The following FBXO34 variants were observed in gnomAD, a reference collection of about 807,000 sequenced individuals.
FBXO34 encodes F-box only protein 34.
FBXO34 carries 12 observed loss-of-function variants against 24.5 expected under a neutral mutation model. That is an observed-to-expected ratio of 0.49 (90% CI 0.31 to 0.79). The LOEUF (loss-of-function observed/expected upper bound fraction) is 0.79, where lower values mean the gene tolerates loss of function less well. Ranked by LOEUF, FBXO34 falls within the 30% of genes least tolerant of loss-of-function variation. The probability of loss-of-function intolerance (pLI) is 0.04; values close to 1 mark genes in which losing one functional copy is unlikely to be tolerated. For synonymous variants in FBXO34, 320 were observed against 311.9 expected (o/e 1.03, Z -0.27); for missense variants, 823 against 857.7 (o/e 0.96, Z 0.51).
chr14:55,271,652 G>C (rs1469351113), intron 1 of FBXO34, 115 bp downstream of exon 1: 3 of 148,622 alleles, frequency 2.0e-5, no homozygotes, highest in Non-Finnish European at 4.5e-5. Flanking sequence ...CCCGGGGCGC[G>C]GGGCGGGTGG....
chr14:55,286,800 G>A (rs377377664), intron 1 of FBXO34, among the ~76,000 whole-genome samples: 2 of 151,356 alleles, frequency 1.3e-5, no homozygotes, highest in Admixed American at 1.3e-4. Flanking sequence ...AAGTGGTTTG[G>A]ATTTTGGATT....
chr14:55,425,601 G>T, the FBXO34 span, among the ~76,000 whole-genome samples: 1 of 152,280 alleles, frequency 6.6e-6, no homozygotes, highest in East Asian at 1.9e-4. Context: ...GTTAGGGATG[G>T]AGAACATTTC....
chr14:55,440,108 A>T, the FBXO34 span, among the ~76,000 whole-genome samples: 1 of 151,818 alleles, frequency 6.6e-6, no homozygotes, highest in African/African-American at 2.4e-5. Flanking sequence ...AAATCAATCA[A>T]TCAATCAATC....
the FBXO34 span, among the ~76,000 whole-genome samples, chr14:55,383,443 C>T: frequency 3.3e-5 from 5 of 151,900 alleles, no homozygotes; most frequent in Admixed American, 1.3e-4. Flanking sequence ...CCCAGCTACT[C>T]GGAAGGCTAA....
Position 55,352,500 on chromosome 14 carries a change from G to A in FBXO34, c.2110G>A (p.Gly704Arg). The stretch of plus-strand genomic sequence containing the variant: ...TCGGGCAATCCATAAGAAAGCAAAA[G>A]GGACTGAAGCTGAAGAGGAATACTA... ...FNRAIHKKAK[G>R]TEAEEEY The change falls in exon 2 of 2, where the codon GGG becomes AGG. Residue 704 changes from glycine (G) to arginine (R), a missense_variant. Around this residue, in one of 2 missense-constraint regions of FBXO34, gnomAD observed 130 missense variants for 198.6 expected, o/e 0.65. Coordinates refer to ENST00000313833, the MANE Select transcript of FBXO34 (RefSeq NM_017943.4). The A allele has an allele frequency of 6.2e-7, 1 of 1,610,558 alleles. No individual in the cohort carries two copies. Among genetic ancestry groups the A allele is most frequent in the South Asian group, 1.1e-5 (1 of 90,480 alleles).
chr14:55,364,629 A>G (rs1884639438), downstream of FBXO34, among the ~76,000 whole-genome samples: 2 of 150,722 alleles, frequency 1.3e-5, no homozygotes, highest in African/African-American at 2.4e-5. Context: ...GGGTTTTGCC[A>G]TGTTGGCCAG....
chr14:55,424,735 T>C, the FBXO34 span, among the ~76,000 whole-genome samples: 1 of 152,226 alleles, frequency 6.6e-6, no homozygotes, highest in African/African-American at 2.4e-5. Flanking sequence ...GAACAGGTGC[T>C]ATATAAATAA....
At position 55,350,426 on chromosome 14, in the gene FBXO34, A is replaced by C. The variant is rs1884309073; in HGVS notation, c.36A>C (p.Lys12Asn). ...HLKPYWKLQK[K>N]EHPPEVSRET... The stretch of plus-strand genomic sequence containing the variant: ...AGCCATATTGGAAGCTCCAGAAGAA[A>C]GAGCACCCCCCGGAAGTCAGCAGGG... Residue 12 changes from lysine to asparagine, a missense_variant, in exon 2 of 2, where the codon AAA (lysine) becomes AAC (asparagine). Around this residue, in one of 2 missense-constraint regions of FBXO34, gnomAD observed 693 missense variants for 659.1 expected, o/e 1.05. Coordinates refer to ENST00000313833, the MANE Select transcript of FBXO34 (RefSeq NM_017943.4). 1 of 1,598,112 alleles carries C rather than the reference A, an allele frequency of 6.3e-7. No homozygotes were observed. Among genetic ancestry groups the C allele is most frequent in the South Asian group, 1.1e-5 (1 of 89,024 alleles).
At chr14:55,288,777 A>G (rs1341264716) in intron 1 of FBXO34, among the ~76,000 whole-genome samples, 1 of 152,214 alleles carries the variant, frequency 6.6e-6, no homozygotes, top group African/African-American at 2.4e-5. Flanking sequence ...AGGGCCGGGC[A>G]TGGTGGCTCA....
At chr14:55,318,335 TA>T (rs1477233061) in intron 1 of FBXO34, 1 of 4,786 alleles carries the variant, frequency 2.1e-4, no homozygotes, top group Admixed American at 2.6e-3. Context: ...TTGCAAGTCA[TA>T]TATATATATA....
the FBXO34 span, chr14:55,414,524 T>C: frequency 8.9e-7 from 1 of 1,117,902 alleles, no homozygotes; most frequent in South Asian, 1.5e-5. Flanking sequence ...ACACTAAAAT[T>C]TCATTGTATT....
chr14:55,404,917 A>C, the FBXO34 span, among the ~76,000 whole-genome samples: 2 of 152,170 alleles, frequency 1.3e-5, no homozygotes. Flanking sequence ...TTAATAACTC[A>C]TGGGGTGAGG....
intron 1 of FBXO34, among the ~76,000 whole-genome samples, chr14:55,311,106 G>T (rs1391459005): frequency 6.6e-6 from 1 of 152,208 alleles, no homozygotes; most frequent in Non-Finnish European, 1.5e-5. Context: ...AAGGAAAGAG[G>T]TTTAATTGAC....
chr14:55,344,984 G>A (rs944113722), intron 1 of FBXO34, among the ~76,000 whole-genome samples: 1 of 152,144 alleles, frequency 6.6e-6, no homozygotes, highest in South Asian at 2.1e-4. Context: ...AGCCCAGAGC[G>A]GCTAGGACAT....
intron 1 of FBXO34, among the ~76,000 whole-genome samples, chr14:55,323,223 A>ATT (rs1566555885): frequency 3.8e-4 from 7 of 18,500 alleles, no homozygotes; most frequent in South Asian, 2.6e-3. Context: ...AAAAAAATAT[A>ATT]TATTTTTTTT....
chr14:55,384,252 CGTGT>C, the FBXO34 span, among the ~76,000 whole-genome samples: 3 of 152,196 alleles, frequency 2.0e-5, no homozygotes, highest in Non-Finnish European at 2.9e-5. Flanking sequence ...ATTTTCTCCT[CGTGT>C]GTGTATTTTC....
chr14:55,287,406 C>G (rs1019869661), intron 1 of FBXO34, among the ~76,000 whole-genome samples: 1 of 152,018 alleles, frequency 6.6e-6, no homozygotes, highest in Non-Finnish European at 1.5e-5. Flanking sequence ...CAGTCATTTT[C>G]TTATACTTAT....
At chr14:55,306,172 C>T (rs1882538143) in intron 1 of FBXO34, among the ~76,000 whole-genome samples, 1 of 152,160 alleles carries the variant, frequency 6.6e-6, no homozygotes, top group African/African-American at 2.4e-5. Context: ...CACTAAACTT[C>T]CAAAAAGTTG....
At chr14:55,380,867 ATATATATATTT>A in the FBXO34 span, among the ~76,000 whole-genome samples, 3 of 95,038 alleles carry the variant, frequency 3.2e-5, no homozygotes, top group African/African-American at 2.0e-4. Flanking sequence ...ATATATATAT[ATATATATATTT>A]TTTTTTTTTT....
Sources: allele counts gnomAD v4.1 joint callset (sites outside exome capture counted in the v4.1 genomes callset), GRCh38; gene constraint gnomAD v4.1.1; regional missense constraint gnomAD v4.1.1; transcripts MANE v1.5; gene names NCBI Gene and HGNC (gene_info 2026-07-23, HGNC 2026-07-21).